DIAPH3: variants seen among roughly 807,000 people sequenced by gnomAD.
DIAPH3 encodes the protein protein diaphanous homolog 3.
DIAPH3 carries 117 observed loss-of-function variants against 144.3 expected under a neutral mutation model. That is an observed-to-expected ratio of 0.81 (90% confidence interval 0.70 to 0.95). The LOEUF is 0.95. Ranked by LOEUF, DIAPH3 falls within the 40% of genes least tolerant of loss-of-function variation. The probability of loss-of-function intolerance (pLI) is 0.00; values close to 1 mark genes in which losing one functional copy is unlikely to be tolerated. For missense variants in DIAPH3, 1,421 were observed against 1,412.7 expected, an observed-to-expected ratio of 1.01 and a Z score of -0.09; for synonymous variants, 519 against 488.9, an observed-to-expected ratio of 1.06 and a Z score of -0.81.
intron 3 of DIAPH3, among the ~76,000 whole-genome samples, chr13:60,096,447 T>C (rs115865373): frequency 0.047 from 7,087 of 152,210 alleles, 248 homozygotes; most frequent in Admixed American, 0.093. Flanking sequence ...GTGGTTGTGA[T>C]TGTTATTTTT....
At chr13:59,823,491 G>A (rs1416366015) in intron 24 of DIAPH3, among the ~76,000 whole-genome samples, 1 of 152,156 alleles carries the variant, frequency 6.6e-6, no homozygotes, top group Admixed American at 6.5e-5. Flanking sequence ...TAAGTCTTAT[G>A]TGAAAAGACT....
intron 17 of DIAPH3, among the ~76,000 whole-genome samples, chr13:59,938,951 T>C (rs1354571910): frequency 6.6e-6 from 1 of 152,124 alleles, no homozygotes; most frequent in Non-Finnish European, 1.5e-5. Flanking sequence ...AACGGTAAAA[T>C]TTTGTTATGT....
intron 3 of DIAPH3, among the ~76,000 whole-genome samples, chr13:60,095,750 C>T (rs1300018077): frequency 2.0e-5 from 3 of 151,894 alleles, no homozygotes; most frequent in Non-Finnish European, 2.9e-5. Flanking sequence ...ATATTAAATA[C>T]TTTGTATTGC....
intron 17 of DIAPH3, among the ~76,000 whole-genome samples, chr13:59,940,838 C>T (rs146745341): frequency 4.7e-4 from 72 of 152,296 alleles, no homozygotes; most frequent in African/African-American, 1.7e-3. Context: ...CAAAGCCTAT[C>T]TAGCCCATCA....
intron 27 of DIAPH3, among the ~76,000 whole-genome samples, chr13:59,763,655 G>A (rs1007564812): frequency 7.9e-5 from 12 of 152,100 alleles, no homozygotes; most frequent in South Asian, 6.2e-4. Context: ...CTGCACTTCC[G>A]CCTAGGCAAC....
intron 27 of DIAPH3, among the ~76,000 whole-genome samples, chr13:59,750,529 AG>A (rs1040785471): frequency 3.9e-5 from 6 of 152,204 alleles, no homozygotes; most frequent in Admixed American, 6.5e-5. Flanking sequence ...ATTTTTCAAA[AG>A]GGTCTGCTCT....
chr13:59,890,361 G>C (rs2045710463), intron 20 of DIAPH3, among the ~76,000 whole-genome samples: 1 of 152,078 alleles, frequency 6.6e-6, no homozygotes, highest in South Asian at 2.1e-4. Context: ...CAAAGGCTGA[G>C]TATTCATGAA....
chr13:60,036,347 G>C (rs1164209332), intron 5 of DIAPH3, among the ~76,000 whole-genome samples: 1 of 152,012 alleles, frequency 6.6e-6, no homozygotes. Context: ...TGACAGAAAT[G>C]GCCTATATAT....
At chr13:59,778,652 A>G (rs2038555768) in intron 25 of DIAPH3, among the ~76,000 whole-genome samples, 1 of 152,228 alleles carries the variant, frequency 6.6e-6, no homozygotes, top group South Asian at 2.1e-4. Context: ...GTTGTCAAAT[A>G]CTATAGACTG....
At chr13:60,147,388 G>A (rs904051633) in intron 1 of DIAPH3, 4 of 152,228 alleles carry the variant, frequency 2.6e-5, no homozygotes, top group Non-Finnish European at 5.9e-5. Flanking sequence ...TTTGGAACTA[G>A]AGACTCAAAT....
intron 1 of DIAPH3, among the ~76,000 whole-genome samples, chr13:60,144,035 G>T (rs1356586214): frequency 6.6e-6 from 1 of 152,092 alleles, no homozygotes; most frequent in Admixed American, 6.5e-5. Flanking sequence ...TTGGGTCACC[G>T]ATAATGGTTT....
At chr13:59,827,356 T>G (rs901687851) in intron 24 of DIAPH3, among the ~76,000 whole-genome samples, 4 of 151,846 alleles carry the variant, frequency 2.6e-5, no homozygotes, top group Non-Finnish European at 5.9e-5. Context: ...AACAACCCCA[T>G]CAAAAACTGG....
At chr13:60,085,268 C>A (rs1249746978) in intron 4 of DIAPH3, among the ~76,000 whole-genome samples, 3 of 152,028 alleles carry the variant, frequency 2.0e-5, no homozygotes, top group African/African-American at 7.2e-5. Context: ...TACTTGAACA[C>A]TCATTTTGAT....
At chr13:60,054,410 A>C (rs746355804) in intron 4 of DIAPH3, among the ~76,000 whole-genome samples, 1 of 152,048 alleles carries the variant, frequency 6.6e-6, no homozygotes, top group Non-Finnish European at 1.5e-5. Context: ...ATAGTGAAAA[A>C]GCTTACGTTC....
intron 22 of DIAPH3, among the ~76,000 whole-genome samples, chr13:59,849,678 T>A (rs2042851494): frequency 4.4e-4 from 1 of 2,290 alleles, no homozygotes; most frequent in African/African-American, 8.9e-4. Flanking sequence ...TTGATCTATA[T>A]CTCTGTTTTG....
chr13:59,842,835 C>CG (rs1381159845), intron 22 of DIAPH3, among the ~76,000 whole-genome samples: 2 of 152,066 alleles, frequency 1.3e-5, no homozygotes, highest in Non-Finnish European at 2.9e-5. Context: ...AATGGTGGGA[C>CG]GGGGGTGGTG....
chr13:59,733,246 C>T (rs2035973923), intron 27 of DIAPH3, among the ~76,000 whole-genome samples: 3 of 152,224 alleles, frequency 2.0e-5, no homozygotes, highest in South Asian at 2.1e-4. Context: ...CAGATAAGCA[C>T]ATTAATGAAT....
At chr13:59,773,743 C>G (rs536164514) in intron 27 of DIAPH3, among the ~76,000 whole-genome samples, 1 of 151,886 alleles carries the variant, frequency 6.6e-6, no homozygotes, top group African/African-American at 2.4e-5. Flanking sequence ...CCACATGAAG[C>G]TCATCTACAC....
At chr13:59,904,057 T>C (rs958614923) in intron 20 of DIAPH3, among the ~76,000 whole-genome samples, 2 of 152,176 alleles carry the variant, frequency 1.3e-5, no homozygotes, top group African/African-American at 4.8e-5. Flanking sequence ...GAATTTTGTA[T>C]AGAATGAAGT....
Sources: allele counts gnomAD v4.1 joint callset (sites outside exome capture counted in the v4.1 genomes callset), GRCh38; gene constraint gnomAD v4.1.1; transcripts MANE v1.5; gene names NCBI Gene and HGNC (gene_info 2026-07-23, HGNC 2026-07-21).